The following MYO1D variants were observed in gnomAD, a reference collection of about 807,000 sequenced individuals.
The protein encoded by MYO1D is myosin ID, also known as unconventional myosin-Id.
A neutral mutation model predicts 122.0 loss-of-function variants in MYO1D; 83 were observed. That is an observed-to-expected ratio of 0.68 (90% CI 0.57 to 0.82). MYO1D has a LOEUF of 0.82. Ranked by LOEUF, MYO1D falls within the 40% of genes least tolerant of loss-of-function variation. MYO1D has a pLI of 0.00. For missense variants in MYO1D, 1,157 were observed against 1,269.5 expected, an observed-to-expected ratio of 0.91 and a Z score of 1.35; for synonymous variants, 464 against 446.9, an observed-to-expected ratio of 1.04 and a Z score of -0.48.
intron 21 of MYO1D, among the ~76,000 whole-genome samples, chr17:32,557,600 C>A (rs948294526): frequency 6.6e-6 from 1 of 151,894 alleles, no homozygotes; most frequent in Non-Finnish European, 1.5e-5. Flanking sequence ...CAGGTTCAAG[C>A]GATCCTCCCG....
At position 32,760,317 on chromosome 17, in the gene MYO1D, G is replaced by A. The variant is rs751852599; in HGVS notation, c.1269C>T (p.Tyr423=). The part of the protein sequence containing the change: ...QLVLKQEQEE[Y]QREGIPWKHI... ...GTTTCCAGGGGATCCCTTCCCGCTG[G>A]TATTCCTCTTGTTCTTGCTTCAGAA... The change falls in exon 10 of 22, where the codon TAC becomes TAT. Residue 423 remains tyrosine, a synonymous_variant. Transcript: ENST00000318217. 1.2e-6 allele frequency: 2 copies of A among 1,611,680 alleles called. No homozygotes were observed.
intron 1 of MYO1D, among the ~76,000 whole-genome samples, chr17:32,828,156 C>T (rs879345766): frequency 6.6e-5 from 10 of 152,082 alleles, no homozygotes; most frequent in Non-Finnish European, 1.3e-4. Context: ...CAGAAAGGTC[C>T]TGGGTAAGAG....
At chr17:32,705,904 ATCTC>A (rs2089301898) in intron 16 of MYO1D, among the ~76,000 whole-genome samples, 1 of 152,054 alleles carries the variant, frequency 6.6e-6, no homozygotes, top group Non-Finnish European at 1.5e-5. Context: ...CTTGGCTCTC[ATCTC>A]TCTCTTTGCC....
intron 1 of MYO1D, among the ~76,000 whole-genome samples, chr17:32,812,009 G>A (rs2151051017): frequency 6.6e-6 from 1 of 152,248 alleles, no homozygotes. Flanking sequence ...TACACTTCTT[G>A]TTATGGGAGA....
chr17:32,578,351 C>T (rs995236426), intron 21 of MYO1D, among the ~76,000 whole-genome samples: 2 of 152,236 alleles, frequency 1.3e-5, no homozygotes, highest in African/African-American at 2.4e-5. Flanking sequence ...ACCCCATCTT[C>T]TCAGGATCAA....
intron 1 of MYO1D, among the ~76,000 whole-genome samples, chr17:32,837,539 T>G (rs2090839833): frequency 6.6e-6 from 1 of 152,172 alleles, no homozygotes; most frequent in African/African-American, 2.4e-5. Context: ...TAATTTTTGC[T>G]TTAATTAAAC....
chr17:32,641,244 G>GT (rs1345103490), intron 19 of MYO1D, among the ~76,000 whole-genome samples: 2 of 95,394 alleles, frequency 2.1e-5, no homozygotes, highest in East Asian at 5.5e-4. Flanking sequence ...CTTCATCCAT[G>GT]TCCCTACAAA....
At chr17:32,540,327 C>CAAAAAA (rs34076937) in intron 21 of MYO1D, among the ~76,000 whole-genome samples, 7 of 69,672 alleles carry the variant, frequency 1.0e-4, no homozygotes, top group Admixed American at 5.3e-4. Context: ...GAGACTATCT[C>CAAAAAA]AAAAAAAAAA....
chr17:32,740,128 C>T (rs1178910128), intron 13 of MYO1D, among the ~76,000 whole-genome samples: 1 of 152,200 alleles, frequency 6.6e-6, no homozygotes, highest in Non-Finnish European at 1.5e-5. Context: ...TTTAAGGCAA[C>T]GTTCTTAACT....
chr17:32,508,671 C>T (rs577138560), intron 21 of MYO1D, among the ~76,000 whole-genome samples: 2 of 152,298 alleles, frequency 1.3e-5, no homozygotes, highest in African/African-American at 2.4e-5. Context: ...TATCAATTCA[C>T]GGACTTACTA....
At chr17:32,866,597 C>A (rs145996706) in intron 1 of MYO1D, among the ~76,000 whole-genome samples, 18 of 152,380 alleles carry the variant, frequency 1.2e-4, no homozygotes, top group African/African-American at 4.1e-4. Flanking sequence ...CAGATTTACA[C>A]TAACATGCTT....
At chr17:32,783,531 A>C (rs909568304) in intron 1 of MYO1D, among the ~76,000 whole-genome samples, 1 of 152,200 alleles carries the variant, frequency 6.6e-6, no homozygotes, top group Non-Finnish European at 1.5e-5. Flanking sequence ...TCTTAAGAAA[A>C]TAATTGAATG....
chr17:32,678,143 T>C (rs528392592), intron 16 of MYO1D, among the ~76,000 whole-genome samples: 7 of 152,286 alleles, frequency 4.6e-5, no homozygotes, highest in Admixed American at 6.5e-5. Context: ...CTGGCTTGAA[T>C]TCTCCCTCTT....
chr17:32,722,741 T>TA (rs1453227719), intron 14 of MYO1D, among the ~76,000 whole-genome samples: 1 of 152,178 alleles, frequency 6.6e-6, no homozygotes, highest in African/African-American at 2.4e-5. Flanking sequence ...TATGGTATAG[T>TA]AATAGTAAGA....
rs1177487141 is a variant in MYO1D, at chr17:32,847,356, A to G, written c.95+29422T>C. On this transcript the variant is annotated intron_variant, in intron 1 of 21. Transcript: ENST00000318217. ...CTTTGTTCACATACTTCAGAGAATA[A>G]TTATAGCCCAGAGAAAAGAAACTAA... 3.3e-5 allele frequency among the ~76,000 whole-genome samples: 5 copies of G among 152,356 alleles called. No individual in the cohort carries two copies. In the East Asian group the frequency reaches 9.6e-4, roughly 29 times the overall value.
intron 13 of MYO1D, among the ~76,000 whole-genome samples, chr17:32,740,760 C>T (rs901154640): frequency 5.3e-5 from 8 of 152,192 alleles, no homozygotes; most frequent in Admixed American, 2.0e-4. Flanking sequence ...CAGGTGTCAG[C>T]CACCATGCCC....
intron 20 of MYO1D, among the ~76,000 whole-genome samples, chr17:32,613,683 A>G (rs1448131442): frequency 6.7e-6 from 1 of 150,186 alleles, no homozygotes; most frequent in Non-Finnish European, 1.5e-5. Flanking sequence ...CTGAGGCAGG[A>G]GAATCGCATG....
At chr17:32,533,216 C>T (rs909896664) in intron 21 of MYO1D, among the ~76,000 whole-genome samples, 1 of 152,160 alleles carries the variant, frequency 6.6e-6, no homozygotes, top group African/African-American at 2.4e-5. Flanking sequence ...TACCTCTAGC[C>T]CATTTTAATT....
intron 21 of MYO1D, among the ~76,000 whole-genome samples, chr17:32,580,084 A>C (rs1328366810): frequency 1.3e-5 from 2 of 152,176 alleles, no homozygotes; most frequent in Non-Finnish European, 2.9e-5. Flanking sequence ...GATAATATAA[A>C]ATGACAATAC....
Sources: gnomAD v4.1 joint callset for allele counts (sites outside exome capture counted in the v4.1 genomes callset) on GRCh38, gnomAD v4.1.1 for gene constraint, MANE v1.5 for transcripts, NCBI Gene and HGNC (gene_info 2026-07-23, HGNC 2026-07-21) for gene names.